THSD7A: variants seen among roughly 807,000 people sequenced by gnomAD.
THSD7A encodes the protein thrombospondin type-1 domain-containing protein 7A.
A neutral mutation model predicts 231.3 loss-of-function variants in THSD7A; 96 were observed. The ratio of observed to expected loss-of-function variants is 0.41; its 90% CI spans 0.35 to 0.49. THSD7A has a LOEUF of 0.49. Among genes scored for constraint, THSD7A ranks in the 20% least tolerant of loss-of-function variants. The pLI is 0.05. For synonymous variants in THSD7A, 940 were observed against 743.3 expected (o/e 1.26, Z -4.30); for missense variants, 2,290 against 2,070.2 (o/e 1.11, Z -2.06).
chr7:11,710,923 A>G (rs949347744), intron 1 of THSD7A, among the ~76,000 whole-genome samples: 5 of 150,860 alleles, frequency 3.3e-5, no homozygotes, highest in East Asian at 2.0e-4. Context: ...ATAAAATAAT[A>G]TATACAATAA....
rs566603240 is a variant in THSD7A, at chr7:11,797,078, T to C, written c.190+34679A>G. The stretch of plus-strand genomic sequence containing the variant: ...CTATGGTTAAACTCCCCAGACATCC[T>C]GGGAATTCTCATATTTGAAACTTTA... On this transcript the variant is annotated intron_variant, in intron 1 of 27. Coordinates refer to ENST00000423059, the MANE Select transcript of THSD7A (RefSeq NM_015204.3). 1.4e-4 allele frequency among the ~76,000 whole-genome samples: 21 copies of C among 152,300 alleles called. No individual in the cohort carries two copies. The South Asian group carries it at 1.4e-3, about 11-fold the overall frequency.
At chr7:11,722,000 G>A (rs1781371166) in intron 1 of THSD7A, among the ~76,000 whole-genome samples, 1 of 151,644 alleles carries the variant, frequency 6.6e-6, no homozygotes, top group African/African-American at 2.4e-5. Flanking sequence ...TCATCCTCTT[G>A]GTCTGGTTAG....
chr7:11,506,276 C>G (rs139676815), intron 6 of THSD7A, among the ~76,000 whole-genome samples: 207 of 152,274 alleles, frequency 1.4e-3, no homozygotes, highest in African/African-American at 4.8e-3. Flanking sequence ...CAGGAGTGAG[C>G]CGCGCTGGGC....
chr7:11,458,668 C>T (rs924263437), intron 11 of THSD7A, among the ~76,000 whole-genome samples: 1 of 152,054 alleles, frequency 6.6e-6, no homozygotes, highest in Non-Finnish European at 1.5e-5. Context: ...AGGAGAAAGT[C>T]GCACACTGAA....
At chr7:11,774,165 A>T (rs1783326329) in intron 1 of THSD7A, among the ~76,000 whole-genome samples, 2 of 152,342 alleles carry the variant, frequency 1.3e-5, no homozygotes, top group East Asian at 3.9e-4. Context: ...TAAGAAAATA[A>T]GGAAATTCTA....
At chr7:11,770,988 A>C (rs1783207903) in intron 1 of THSD7A, among the ~76,000 whole-genome samples, 1 of 151,436 alleles carries the variant, frequency 6.6e-6, no homozygotes, top group Admixed American at 6.6e-5. Context: ...GAATTTTTTG[A>C]TACATAGAAG....
At chr7:11,576,774 G>C (rs1162227218) in intron 4 of THSD7A, among the ~76,000 whole-genome samples, 1 of 152,074 alleles carries the variant, frequency 6.6e-6, no homozygotes, top group African/African-American at 2.4e-5. Flanking sequence ...CTCCTATAAA[G>C]GGCTTACATT....
At chr7:11,719,823 G>A (rs142824886) in intron 1 of THSD7A, among the ~76,000 whole-genome samples, 1 of 151,862 alleles carries the variant, frequency 6.6e-6, no homozygotes, top group East Asian at 2.0e-4. Flanking sequence ...TATCTGTTAA[G>A]TCTACTAAAA....
chr7:11,568,433 G>T (rs1363803626), intron 4 of THSD7A, among the ~76,000 whole-genome samples: 2 of 151,898 alleles, frequency 1.3e-5, no homozygotes, highest in African/African-American at 4.8e-5. Flanking sequence ...AGACCATCCT[G>T]GCTAACATGG....
chr7:11,418,485 G>A (rs913236094), intron 16 of THSD7A, among the ~76,000 whole-genome samples: 2 of 152,140 alleles, frequency 1.3e-5, no homozygotes, highest in South Asian at 2.1e-4. Context: ...CTTGGAAAAG[G>A]TCAGCCAACT....
chr7:11,801,012 T>G (rs1784259204), intron 1 of THSD7A, among the ~76,000 whole-genome samples: 1 of 152,144 alleles, frequency 6.6e-6, no homozygotes, highest in South Asian at 2.1e-4. Flanking sequence ...CATTAAGACA[T>G]ATGTATTGGC....
At chr7:11,651,509 AT>A (rs1562443933) in intron 1 of THSD7A, among the ~76,000 whole-genome samples, 2 of 151,618 alleles carry the variant, frequency 1.3e-5, no homozygotes, top group African/African-American at 2.4e-5. Context: ...CTATCTATCT[AT>A]CTATCTATCT....
chr7:11,653,491 T>TGTGC, intron 1 of THSD7A, among the ~76,000 whole-genome samples: 1 of 143,154 alleles, frequency 7.0e-6, no homozygotes, highest in Admixed American at 7.0e-5. Context: ...TGTGTGTGTG[T>TGTGC]GTGTGTTTTC....
chr7:11,455,027 T>C (rs1193826735), intron 11 of THSD7A, among the ~76,000 whole-genome samples: 6 of 152,050 alleles, frequency 3.9e-5, no homozygotes, highest in Non-Finnish European at 7.4e-5. Context: ...GGTGAGGTCA[T>C]GAGTGTGAGG....
At chr7:11,517,438 G>A (rs185972262) in intron 6 of THSD7A, among the ~76,000 whole-genome samples, 2,473 of 149,860 alleles carry the variant, frequency 0.017, 60 homozygotes, top group African/African-American at 0.057. Flanking sequence ...AAAAAAAAAG[G>A]TTTGCCCTCC....
At chr7:11,526,318 C>T (rs1049328972) in intron 6 of THSD7A, among the ~76,000 whole-genome samples, 11 of 152,032 alleles carry the variant, frequency 7.2e-5, no homozygotes, top group Non-Finnish European at 1.2e-4. Flanking sequence ...ATATACTGAC[C>T]TTCTTAATTT....
At chr7:11,707,251 G>A (rs1325421028) in intron 1 of THSD7A, among the ~76,000 whole-genome samples, 1 of 150,834 alleles carries the variant, frequency 6.6e-6, no homozygotes, top group Admixed American at 6.6e-5. Flanking sequence ...ATCCCAAGTA[G>A]CTGTAAATCA....
chr7:11,464,015 T>C (rs553020450), intron 9 of THSD7A, among the ~76,000 whole-genome samples: 60 of 152,306 alleles, frequency 3.9e-4, no homozygotes, highest in African/African-American at 1.4e-3. Context: ...TCTTCTCAGT[T>C]GAAGGAGCTT....
At chr7:11,664,720 A>T (rs991649262) in intron 1 of THSD7A, among the ~76,000 whole-genome samples, 1 of 152,016 alleles carries the variant, frequency 6.6e-6, no homozygotes, top group East Asian at 1.9e-4. Context: ...TCTCAAGTAC[A>T]TGATGGTAAG....
Sources: allele counts gnomAD v4.1 joint callset (sites outside exome capture counted in the v4.1 genomes callset), GRCh38; gene constraint gnomAD v4.1.1; transcripts MANE v1.5; gene names NCBI Gene and HGNC (gene_info 2026-07-23, HGNC 2026-07-21).